The following CHL1 variants were observed in gnomAD, a reference collection of about 807,000 sequenced individuals.
CHL1 encodes cell adhesion molecule L1 like.
Under a neutral mutation model 141.9 loss-of-function variants are expected in CHL1, and 96 were observed. The ratio of observed to expected loss-of-function variants is 0.68; its 90% confidence interval spans 0.57 to 0.80. The LOEUF (loss-of-function observed/expected upper bound fraction) is 0.80. CHL1 is among the 30% of genes least tolerant of loss of function. The probability of loss-of-function intolerance (pLI) is 0.00; values close to 1 mark genes in which losing one functional copy is unlikely to be tolerated. For missense variants in CHL1, 1,820 were observed against 1,457.2 expected, an observed-to-expected ratio of 1.25 and a Z score of -4.05; for synonymous variants, 613 against 502.2, an observed-to-expected ratio of 1.22 and a Z score of -2.95.
intron 1 of CHL1, among the ~76,000 whole-genome samples, chr3:222,331 C>T (rs1246290174): frequency 6.6e-6 from 1 of 152,050 alleles, no homozygotes; most frequent in Admixed American, 6.6e-5. Context: ...TGTTGGAGCT[C>T]AGGGGAAGCT....
chr3:355,664 A>G (rs1238138231), intron 11 of CHL1, among the ~76,000 whole-genome samples: 1 of 152,102 alleles, frequency 6.6e-6, no homozygotes, highest in Non-Finnish European at 1.5e-5. Flanking sequence ...CCCGTCTAGG[A>G]TGTGCACCTT....
At chr3:239,421 G>C (rs1559319135) in intron 1 of CHL1, among the ~76,000 whole-genome samples, 1 of 151,918 alleles carries the variant, frequency 6.6e-6, no homozygotes, top group Non-Finnish European at 1.5e-5. Context: ...TTTTTTCTCT[G>C]CTGCAGCATC....
intron 1 of CHL1, among the ~76,000 whole-genome samples, chr3:230,111 C>T (rs1701729645): frequency 6.6e-6 from 1 of 152,184 alleles, no homozygotes; most frequent in Non-Finnish European, 1.5e-5. Context: ...CTCTTTAAAA[C>T]ACTCTGTTAC....
At position 360,560 on chromosome 3, in the gene CHL1, GT is replaced by G. The variant is rs1704135660; in HGVS notation, c.1306+140del. The stretch of plus-strand genomic sequence containing the variant: ...AAACTACTTTTCACCATACATTTGA[GT>G]TTTAGACTTCACACTGAAATTGTAC... On this transcript the variant is annotated intron_variant, in intron 12 of 27. Coordinates refer to ENST00000256509, the MANE Select transcript of CHL1 (RefSeq NM_006614.4). 6.1e-6 allele frequency: 5 copies of G among 816,280 alleles called. No homozygotes were observed. In the Admixed American group the frequency reaches 1.4e-4, roughly 23 times the overall value. The allele number at this position is 816,280 out of a possible 1,614,324, so 50.6% of individuals were successfully genotyped here.
At chr3:392,939 T>C (rs1339696380) in intron 23 of CHL1, among the ~76,000 whole-genome samples, 3 of 120,784 alleles carry the variant, frequency 2.5e-5, no homozygotes, top group African/African-American at 8.1e-5. Context: ...CACTATTTTA[T>C]GAATGAGGGA....
chr3:322,660 A>AAT (rs1348591002), intron 3 of CHL1, among the ~76,000 whole-genome samples: 39 of 141,222 alleles, frequency 2.8e-4, no homozygotes, highest in African/African-American at 9.5e-4. Flanking sequence ...ATATATATAT[A>AAT]TATATATATA....
intron 22 of CHL1, among the ~76,000 whole-genome samples, 160 bp downstream of exon 22, chr3:391,319 C>G (rs1021535905): frequency 2.0e-5 from 3 of 152,160 alleles, no homozygotes; most frequent in African/African-American, 7.2e-5. Flanking sequence ...AGTTCCAAAC[C>G]AGCTTGGCCA....
chr3:237,478 G>A (rs979900926), intron 1 of CHL1, among the ~76,000 whole-genome samples: 2 of 152,164 alleles, frequency 1.3e-5, no homozygotes, highest in East Asian at 3.8e-4. Context: ...GTTGAATATA[G>A]CTTAAAAATA....
chr3:243,231 A>C (rs1046853825), intron 1 of CHL1, among the ~76,000 whole-genome samples: 15 of 152,208 alleles, frequency 9.9e-5, no homozygotes, highest in African/African-American at 3.6e-4. Context: ...TTCCCCACTG[A>C]GAGACTGTCG....
intron 16 of CHL1, 36 bp from the exon 17 acceptor site, chr3:382,143 G>A (rs1179506638): frequency 6.4e-7 from 1 of 1,555,972 alleles, no homozygotes; most frequent in Non-Finnish European, 8.9e-7. Context: ...GTAAACAAAG[G>A]CAATTATCTA....
chr3:394,476 G>T (rs1708498953), intron 23 of CHL1, among the ~76,000 whole-genome samples: 1 of 152,148 alleles, frequency 6.6e-6, no homozygotes, highest in South Asian at 2.1e-4. Flanking sequence ...AGAGACCCAA[G>T]ATGGGAGCAA....
At chr3:198,689 G>A (rs912837661) in intron 1 of CHL1, among the ~76,000 whole-genome samples, 8 of 152,212 alleles carry the variant, frequency 5.3e-5, no homozygotes, top group African/African-American at 1.7e-4. Flanking sequence ...AAAAGTTATT[G>A]TCGTTGATGC....
At position 354,783 on chromosome 3, in the gene CHL1, A is replaced by G. The variant is rs754321041; in HGVS notation, c.1165+12A>G. The G allele has an allele frequency of 1.2e-6, 2 of 1,612,984 alleles. No individual in the cohort carries two copies. Among genetic ancestry groups the G allele is most frequent in the Non-Finnish European group, 1.7e-6 (2 of 1,179,398 alleles). The stretch of plus-strand genomic sequence containing the variant: ...CTCCCCAGTTGACAGTAAGTTTAAA[A>G]ACCAATTGCAATGCAATGCTGAAGG... On this transcript the variant is annotated intron_variant, in intron 11 of 27. Transcript: ENST00000256509.
At chr3:332,352 A>T (rs1185067394) in intron 5 of CHL1, among the ~76,000 whole-genome samples, 2 of 152,238 alleles carry the variant, frequency 1.3e-5, no homozygotes, top group African/African-American at 2.4e-5. Context: ...ATGAAAAATA[A>T]GAGAATGATA....
chr3:301,420 C>A (rs1431499302), intron 2 of CHL1, among the ~76,000 whole-genome samples: 1 of 152,154 alleles, frequency 6.6e-6, no homozygotes, highest in Admixed American at 6.5e-5. Context: ...TCATTGCCAA[C>A]CTCCTACTGG....
intron 2 of CHL1, among the ~76,000 whole-genome samples, chr3:270,984 G>C (rs192189700): frequency 1.2e-4 from 18 of 152,288 alleles, no homozygotes; most frequent in Non-Finnish European, 5.9e-5. Context: ...AGAATAATTG[G>C]TTACAAGTAT....
At chr3:228,685 A>G (rs1017794895) in intron 1 of CHL1, among the ~76,000 whole-genome samples, 5 of 152,186 alleles carry the variant, frequency 3.3e-5, no homozygotes, top group African/African-American at 1.2e-4. Context: ...CCCCTGTGAG[A>G]GGCCAGTAAT....
chr3:213,155 G>C (rs966326690), intron 1 of CHL1: 1 of 152,132 alleles, frequency 6.6e-6, no homozygotes, highest in African/African-American at 2.4e-5. Context: ...AAGTTAAATT[G>C]TTATTAATGT....
rs1575160134 is a variant in CHL1 at position 360,491 on chromosome 3, G to A, written c.1306+67G>A. ...AGGAAAGTGGTCAAGGTCATGTTCA[G>A]AAGTGTATTAACTCTTGACACATAA... On this transcript the variant is annotated intron_variant, in intron 12 of 27. Coordinates refer to ENST00000256509, the MANE Select transcript of CHL1 (RefSeq NM_006614.4). 5 of 1,517,354 alleles carry A rather than the reference G, an allele frequency of 3.3e-6. No individual in the cohort carries two copies. In the African/African-American group the frequency reaches 5.5e-5, roughly 17 times the overall value. 94.0% of individuals were successfully genotyped at this position (1,517,354 alleles called of 1,614,324 possible).
Sources: gnomAD v4.1 joint callset for allele counts (sites outside exome capture counted in the v4.1 genomes callset) on GRCh38, gnomAD v4.1.1 for gene constraint, MANE v1.5 for transcripts, NCBI Gene and HGNC (gene_info 2026-07-23, HGNC 2026-07-21) for gene names.